GABRA2: variants seen among roughly 807,000 people sequenced by gnomAD.
GABRA2 encodes the protein gamma-aminobutyric acid receptor subunit alpha-2.
GABRA2 carries 16 observed loss-of-function variants against 48.7 expected under a neutral mutation model. The observed-to-expected ratio is 0.33, with a 90% CI of 0.22 to 0.50. The LOEUF (loss-of-function observed/expected upper bound fraction) is 0.50. GABRA2 is among the 20% of genes least tolerant of loss of function. The pLI, the probability that GABRA2 is intolerant of heterozygous loss-of-function variation, is 0.98. For synonymous variants in GABRA2, 185 were observed against 184.5 expected (o/e 1.00, Z -0.02); for missense variants, 275 against 535.6 (o/e 0.51, Z 4.80).
intron 6 of GABRA2, among the ~76,000 whole-genome samples, chr4:46,306,524 G>A (rs1726726890): frequency 6.6e-6 from 1 of 152,196 alleles, no homozygotes; most frequent in Non-Finnish European, 1.5e-5. Context: ...CCCCACTGGG[G>A]AACAGATAAC....
intron 3 of GABRA2, among the ~76,000 whole-genome samples, chr4:46,384,702 T>G (rs1717210484): frequency 6.6e-6 from 1 of 152,196 alleles, no homozygotes; most frequent in African/African-American, 2.4e-5. Context: ...ATGGGAACCT[T>G]ACTTCTTACT....
At chr4:46,251,301 C>A (rs918765268) in intron 9 of GABRA2, among the ~76,000 whole-genome samples, 1 of 151,496 alleles carries the variant, frequency 6.6e-6, no homozygotes, top group Non-Finnish European at 1.5e-5. Context: ...ACATTATGGC[C>A]ACAGGGATCT....
In GABRA2 at chr4:46,374,582, G is replaced by T. The variant is rs1715402734; in HGVS notation, c.187+11492C>A. 2.6e-5 allele frequency among the ~76,000 whole-genome samples: 4 copies of T among 151,978 alleles called. No homozygotes were observed. In the South Asian group the frequency reaches 8.3e-4, roughly 32 times the overall value. Reference sequence around the variant, plus strand: ...CTCTACTCACAGACAAAATCCAATTGTACTACCCATTATATCGAAATACTC... The same window carrying T: ...CTCTACTCACAGACAAAATCCAATTTTACTACCCATTATATCGAAATACTC... On this transcript the variant is annotated intron_variant, in intron 3 of 9. Coordinates refer to ENST00000381620, the MANE Select transcript of GABRA2 (RefSeq NM_000807.4).
intron 5 of GABRA2, among the ~76,000 whole-genome samples, chr4:46,310,916 C>A (rs1473441915): frequency 6.6e-6 from 1 of 152,114 alleles, no homozygotes; most frequent in Admixed American, 6.5e-5. Context: ...ATAATGCAAA[C>A]TTCCAATTAT....
intron 3 of GABRA2, among the ~76,000 whole-genome samples, chr4:46,382,597 A>C (rs997769454): frequency 6.6e-6 from 1 of 152,200 alleles, no homozygotes; most frequent in Admixed American, 6.5e-5. Context: ...GCTCTGACTT[A>C]AATTTTTAAA....
At chr4:46,339,983 C>A (rs916069738) in intron 3 of GABRA2, among the ~76,000 whole-genome samples, 3 of 151,722 alleles carry the variant, frequency 2.0e-5, no homozygotes, top group Non-Finnish European at 4.4e-5. Context: ...AAAATCATGG[C>A]ATTTACAGCC....
chr4:46,298,573 C>T (rs998948529), intron 8 of GABRA2, among the ~76,000 whole-genome samples: 3 of 151,934 alleles, frequency 2.0e-5, no homozygotes, highest in Admixed American at 6.6e-5. Context: ...TTCCTCCACC[C>T]ACTTATCCGT....
chr4:46,358,558 C>T (rs1346582914), intron 3 of GABRA2, among the ~76,000 whole-genome samples: 1 of 152,160 alleles, frequency 6.6e-6, no homozygotes, highest in Non-Finnish European at 1.5e-5. Flanking sequence ...TGTTGCCACA[C>T]AGAATTTGCA....
At chr4:46,256,232 T>C (rs1314840367) in intron 9 of GABRA2, 2 of 692,914 alleles carry the variant, frequency 2.9e-6, no homozygotes, top group Admixed American at 2.0e-5. Flanking sequence ...CATCCACTTC[T>C]CTAAGTACTC....
chr4:46,267,677 A>G (rs73131345), intron 8 of GABRA2, among the ~76,000 whole-genome samples: 2,607 of 152,056 alleles, frequency 0.017, 85 homozygotes, highest in African/African-American at 0.06. Flanking sequence ...TGAAGTCTGT[A>G]TTATTTTTAG....
chr4:46,330,591 T>TATATATATATAGAG (rs1411755120), intron 4 of GABRA2, among the ~76,000 whole-genome samples: 28 of 122,690 alleles, frequency 2.3e-4, no homozygotes, highest in Admixed American at 1.4e-3. Flanking sequence ...TATATATATA[T>TATATATATATAGAG]AGAGAGAGAG....
chr4:46,378,518 C>T (rs1435250861), intron 3 of GABRA2, among the ~76,000 whole-genome samples: 6 of 152,008 alleles, frequency 3.9e-5, no homozygotes, highest in African/African-American at 7.2e-5. Flanking sequence ...GACACAAACA[C>T]TGCGGAAGGC....
intron 2 of GABRA2, among the ~76,000 whole-genome samples, chr4:46,388,240 A>G (rs1301643969): frequency 1.3e-5 from 2 of 148,994 alleles, no homozygotes; most frequent in African/African-American, 5.0e-5. Context: ...AAGAAAAAGG[A>G]AAAAAAAAAT....
intron 3 of GABRA2, among the ~76,000 whole-genome samples, chr4:46,341,645 G>A (rs1423260374): frequency 6.6e-6 from 1 of 152,060 alleles, no homozygotes; most frequent in Non-Finnish European, 1.5e-5. Flanking sequence ...CCAGCACAAA[G>A]TTCATAACTC....
chr4:46,375,864 C>G (rs1269239180), intron 3 of GABRA2, among the ~76,000 whole-genome samples: 1 of 152,164 alleles, frequency 6.6e-6, no homozygotes, highest in East Asian at 1.9e-4. Context: ...CCCGGCAAAT[C>G]CTAAGCCCTT....
chr4:46,376,290 G>A (rs1467265191), intron 3 of GABRA2, among the ~76,000 whole-genome samples: 1 of 152,190 alleles, frequency 6.6e-6, no homozygotes, highest in Non-Finnish European at 1.5e-5. Context: ...TCTACAAGGT[G>A]ATTTATCTGT....
At chr4:46,282,887 A>G (rs1560472861) in intron 8 of GABRA2, among the ~76,000 whole-genome samples, 1 of 152,298 alleles carries the variant, frequency 6.6e-6, no homozygotes, top group East Asian at 1.9e-4. Flanking sequence ...TAATTCCCTA[A>G]ACTACCTTAT....
chr4:46,366,729 G>T (rs1013353985), intron 3 of GABRA2: 3 of 152,072 alleles, frequency 2.0e-5, no homozygotes, highest in Non-Finnish European at 4.4e-5. Context: ...TTATAATTTA[G>T]TATGATTCCA....
chr4:46,263,522 T>C (rs1465573700), intron 8 of GABRA2, among the ~76,000 whole-genome samples: 1 of 152,142 alleles, frequency 6.6e-6, no homozygotes, highest in Non-Finnish European at 1.5e-5. Context: ...GGACACTTCG[T>C]TGAGAATCAA....
Sources: gnomAD v4.1 joint callset for allele counts (sites outside exome capture counted in the v4.1 genomes callset) on GRCh38, gnomAD v4.1.1 for gene constraint, MANE v1.5 for transcripts, NCBI Gene and HGNC (gene_info 2026-07-23, HGNC 2026-07-21) for gene names.